ATP8B1: variants seen among roughly 807,000 people sequenced by gnomAD.
ATP8B1 encodes phospholipid-transporting ATPase IC.
A neutral mutation model predicts 149.9 loss-of-function variants in ATP8B1; 80 were observed. The observed-to-expected ratio is 0.53, with a 90% CI of 0.45 to 0.64. The LOEUF is 0.64. Among genes scored for constraint, ATP8B1 ranks in the 30% least tolerant of loss-of-function variants. The probability of loss-of-function intolerance (pLI) is 0.00; values close to 1 mark genes in which losing one functional copy is unlikely to be tolerated. For missense variants in ATP8B1, 1,247 were observed against 1,552.6 expected, an observed-to-expected ratio of 0.80 and a Z score of 3.31; for synonymous variants, 536 against 562.8, an observed-to-expected ratio of 0.95 and a Z score of 0.67.
chr18:57,792,412 C>T (rs534350402), intron 1 of ATP8B1, among the ~76,000 whole-genome samples: 5 of 152,010 alleles, frequency 3.3e-5, no homozygotes, highest in South Asian at 2.1e-4. Flanking sequence ...CCTCCCAAAG[C>T]GCTGGGATTA....
intron 25 of ATP8B1, 58 bp from the exon 26 acceptor site, chr18:57,652,230 A>G (rs1909668929): frequency 1.2e-6 from 2 of 1,601,376 alleles, no homozygotes; most frequent in East Asian, 4.5e-5. Context: ...CAAGAAATAA[A>G]GGATCTAACA....
Position 57,691,953 on chromosome 18 carries a change from G to A in ATP8B1, c.1074C>T (p.Gly358=). Residue 358 remains glycine (G), a synonymous_variant, in exon 12 of 28, where the codon GGC becomes GGT. Transcript: ENST00000648908. ...CCACCTGTGCTTCCCAATAAGCATG[G>A]CCGATGGCAAGACCAGCAGAAAGCA... ...LILLSAGLAI[G]HAYWEAQVGN... The A allele has an allele frequency of 6.2e-7, 1 of 1,614,092 alleles. No homozygotes were observed. The highest frequency in any genetic ancestry group is 1.7e-5 in the Admixed American group (1 of 59,998).
At position 57,732,855 on chromosome 18, in the gene ATP8B1, G is replaced by A. The variant is rs188236403; in HGVS notation, c.-25-1023C>T. On this transcript the variant is annotated intron_variant, in intron 1 of 27. Coordinates refer to ENST00000648908, the MANE Select transcript of ATP8B1 (RefSeq NM_001374385.1). Reference sequence around the variant, plus strand: ...TGGGATTACAGGCCCGCGCCCGGCCGGAGTTGAATTTCTTACTGTGGATTG... The same window carrying A: ...TGGGATTACAGGCCCGCGCCCGGCCAGAGTTGAATTTCTTACTGTGGATTG... 3.0e-3 allele frequency among the ~76,000 whole-genome samples: 454 copies of A among 152,330 alleles called. 4 individuals are homozygous for A. The highest frequency in any genetic ancestry group is 9.8e-3 in the African/African-American group (407 of 41,576).
At chr18:57,655,639 A>G (rs1194306965) in intron 22 of ATP8B1, among the ~76,000 whole-genome samples, 1 of 152,176 alleles carries the variant, frequency 6.6e-6, no homozygotes, top group East Asian at 1.9e-4. Flanking sequence ...GCCTCCATAA[A>G]TATCTGGGAA....
At chr18:57,723,905 T>C (rs992955342) in intron 2 of ATP8B1, among the ~76,000 whole-genome samples, 3 of 148,748 alleles carry the variant, frequency 2.0e-5, no homozygotes, top group Non-Finnish European at 4.5e-5. Context: ...AACAGAAATA[T>C]AGATCAATGG....
At chr18:57,676,741 A>G (rs1420637407) in intron 15 of ATP8B1, among the ~76,000 whole-genome samples, 1 of 151,658 alleles carries the variant, frequency 6.6e-6, no homozygotes, top group Non-Finnish European at 1.5e-5. Flanking sequence ...AAAAAAAAGA[A>G]AGAAAGAAAA....
At chr18:57,720,746 C>T (rs1354322967) in intron 2 of ATP8B1, among the ~76,000 whole-genome samples, 18 of 139,224 alleles carry the variant, frequency 1.3e-4, no homozygotes, top group African/African-American at 1.9e-4. Flanking sequence ...ATACAGAGAA[C>T]GCCACAAAGA....
At chr18:57,797,420 C>T (rs1006384453) in intron 1 of ATP8B1, among the ~76,000 whole-genome samples, 1 of 152,194 alleles carries the variant, frequency 6.6e-6, no homozygotes, top group African/African-American at 2.4e-5. Flanking sequence ...TGGTGGCCTT[C>T]GCCACTGAAA....
At chr18:57,688,227 T>C (rs1912352953) in intron 13 of ATP8B1, 72 bp downstream of exon 13, 12 of 1,484,026 alleles carry the variant, frequency 8.1e-6, no homozygotes, top group Non-Finnish European at 1.1e-5. Flanking sequence ...AGACAGGCTA[T>C]AGTCCAAGTA....
chr18:57,775,223 G>A lies in ATP8B1; in HGVS notation c.-26+27775C>T, dbSNP rs1039767215. Among the ~76,000 whole-genome samples the A allele has an allele frequency of 4.6e-5, 7 of 152,112 alleles. No homozygotes were observed. In the South Asian group the frequency reaches 6.2e-4, roughly 14 times the overall value. On this transcript the variant is annotated intron_variant, in intron 1 of 27. Transcript: ENST00000648908. ...TCCCAGCTACTTGAAAAGCTGAGTC[G>A]GGAGGATTGCTTGAGCCCAGGGGTC... is the stretch of plus-strand genomic sequence containing the variant.
chr18:57,763,386 C>G (rs1428509016), intron 1 of ATP8B1, among the ~76,000 whole-genome samples: 4 of 138,840 alleles, frequency 2.9e-5, no homozygotes, highest in Admixed American at 2.2e-4. Context: ...GAGCGAAACC[C>G]CATCTCAAAA....
chr18:57,648,691 A>G lies in ATP8B1; in HGVS notation c.3553T>C (p.Leu1185=), dbSNP rs751410046. 28 of 1,558,138 alleles carry G rather than the reference A, an allele frequency of 1.8e-5. No homozygotes were observed. Among genetic ancestry groups the G allele is most frequent in the African/African-American group, 2.7e-5 (2 of 73,352 alleles). Residue 1185 remains leucine (L), a synonymous_variant, in exon 28 of 28, where the codon TTG becomes CTG. Coordinates refer to ENST00000648908, the MANE Select transcript of ATP8B1 (RefSeq NM_001374385.1). ...CGCTGCCACTGCTCCTCCGCCTTCA[A>G]CCGCTTGCGATGCTTCTGGATCTGC... ...SDKIQKHRKR[L]KAEEQWQRRQ... is the part of the protein sequence containing the mutation.
chr18:57,743,366 A>G (rs867114770), intron 1 of ATP8B1, among the ~76,000 whole-genome samples: 25 of 152,106 alleles, frequency 1.6e-4, no homozygotes, highest in Admixed American at 2.6e-4. Flanking sequence ...CCTACTAACA[A>G]CATCATTAGT....
intron 2 of ATP8B1, among the ~76,000 whole-genome samples, chr18:57,729,912 AAGGCAC>A (rs2079744339): frequency 6.6e-6 from 1 of 152,152 alleles, no homozygotes; most frequent in Non-Finnish European, 1.5e-5. Context: ...TTCAAGGCAG[AAGGCAC>A]TTAAGCTCAA....
rs66785255 is a variant in ATP8B1 at position 57,651,798 on chromosome 18, AT to A, written c.3400+235del. ...AGGCATGTGCCACCATGCCTGGCTA[AT>A]TTTTTTGTATTTTTTGTAGAGATGG... is the stretch of plus-strand genomic sequence containing the variant. On this transcript the variant is annotated intron_variant, in intron 26 of 27. Coordinates refer to ENST00000648908, the MANE Select transcript of ATP8B1 (RefSeq NM_001374385.1). Among the ~76,000 whole-genome samples, 11,997 of 151,000 alleles carry A rather than the reference AT, an allele frequency of 0.079. 631 individuals carry two copies. The highest frequency in any genetic ancestry group is 0.11 in the Non-Finnish European group (7,757 of 67,674).
chr18:57,704,102 G>A (rs1479391564), intron 4 of ATP8B1, among the ~76,000 whole-genome samples: 1 of 152,060 alleles, frequency 6.6e-6, no homozygotes, highest in Non-Finnish European at 1.5e-5. Context: ...GAGTAGCTGG[G>A]ATTATAGGCA....
In ATP8B1 at chr18:57,648,593, G is replaced by A. The variant is rs1371555262; in HGVS notation, c.3651C>T (p.Tyr1217=). 3 of 1,611,188 alleles carry A rather than the reference G, an allele frequency of 1.9e-6. No homozygotes were observed. Among genetic ancestry groups the A allele is most frequent in the East Asian group, 2.2e-5 (1 of 44,866 alleles). ...TGCGCCCGGAGGAGATGAGGTCCGC[G>A]TAGCCCCGCTGGTGCGAGAAGGCGT... The part of the protein sequence containing the change: ...SAYAFSHQRG[Y]ADLISSGRSI... The change falls in exon 28 of 28, where the codon TAC becomes TAT. Residue 1217 remains tyrosine (Y), a synonymous_variant. Transcript: ENST00000648908.
At chr18:57,797,009 G>C (rs1041378205) in intron 1 of ATP8B1, among the ~76,000 whole-genome samples, 6 of 152,192 alleles carry the variant, frequency 3.9e-5, no homozygotes, top group African/African-American at 1.4e-4. Context: ...AGAGGATCAT[G>C]TCAGTAACTC....
chr18:57,717,547 C>CCAA (rs2079594685), intron 2 of ATP8B1, among the ~76,000 whole-genome samples: 1 of 19,918 alleles, frequency 5.0e-5, no homozygotes, highest in Non-Finnish European at 8.6e-5. Context: ...GACTCTGTCT[C>CCAA]AAAAAAAAAA....
Sources: allele counts gnomAD v4.1 joint callset (sites outside exome capture counted in the v4.1 genomes callset), GRCh38; gene constraint gnomAD v4.1.1; transcripts MANE v1.5; gene names NCBI Gene and HGNC (gene_info 2026-07-23, HGNC 2026-07-21).